Variants in ITGB3BP observed in about 807,000 individuals in gnomAD.
The protein encoded by ITGB3BP is integrin subunit beta 3 binding protein.
In ITGB3BP, 27 loss-of-function variants were observed where a neutral mutation model predicts 29.1. The observed-to-expected ratio is 0.93, with a 90% CI of 0.68 to 1.28. The LOEUF is 1.28. ITGB3BP is among the 50% of genes most tolerant of loss of function. ITGB3BP has a pLI of 0.00. For synonymous variants in ITGB3BP, 61 were observed against 61.4 expected, an observed-to-expected ratio of 0.99 and a Z score of 0.03; for missense variants, 192 against 200.2, an observed-to-expected ratio of 0.96 and a Z score of 0.25.
Position 63,472,617 on chromosome 1 carries a change from C to T in ITGB3BP, c.254+6147G>A, listed in dbSNP as rs1248344569. ...TGCCGAGTGCCTGCGATTGCAGGCGCGCGCCGCCACGCCTGATTGGTTTTC... is the reference window on the plus strand; with the variant it reads ...TGCCGAGTGCCTGCGATTGCAGGCGTGCGCCGCCACGCCTGATTGGTTTTC... On this transcript the variant is annotated intron_variant, in intron 4 of 8. Transcript: ENST00000271002. Among the ~76,000 whole-genome samples the T allele has an allele frequency of 2.3e-4, 34 of 150,920 alleles. No homozygotes were observed. In the South Asian group the frequency reaches 5.4e-3, roughly 24 times the overall value.
chr1:63,522,973 T>C (rs1424651830), intron 1 of ITGB3BP, 156 bp downstream of exon 1: 3 of 848,738 alleles, frequency 3.5e-6, no homozygotes, highest in East Asian at 2.4e-5. Context: ...AGACGTAGAG[T>C]TGAGGGTACC....
intron 1 of ITGB3BP, among the ~76,000 whole-genome samples, chr1:63,516,342 C>T (rs12130694): frequency 0.58 from 29,643 of 51,420 alleles, 6,548 homozygotes; most frequent in Non-Finnish European, 0.64. Flanking sequence ...GGAAGGGAAG[C>T]GGAGCGGGGG....
intron 4 of ITGB3BP, among the ~76,000 whole-genome samples, chr1:63,467,522 CTGATTGAT>C (rs55927407): frequency 9.4e-5 from 14 of 149,636 alleles, no homozygotes; most frequent in Non-Finnish European, 1.6e-4. Context: ...TGCTTGCTTG[CTGATTGAT>C]TGATTGATTG....
At chr1:63,487,865 C>T (rs946343272) in intron 3 of ITGB3BP, among the ~76,000 whole-genome samples, 5 of 152,048 alleles carry the variant, frequency 3.3e-5, no homozygotes, top group Admixed American at 2.6e-4. Flanking sequence ...ATGTGAGTAA[C>T]GTGTTGTGCT....
chr1:63,497,072 T>C lies in ITGB3BP; in HGVS notation c.49-6854A>G, dbSNP rs190076148. Among the ~76,000 whole-genome samples, 244 of 152,268 alleles carry C rather than the reference T, an allele frequency of 1.6e-3. 1 individual carries two copies. Among genetic ancestry groups the C allele is most frequent in the Non-Finnish European group, 2.6e-3 (179 of 68,012 alleles). ...GTCTGAAAGTATGAGCTGGTAAGCATAGGTTTTTTAAATGAAATGCCTGTA... is the reference window on the plus strand; with the variant it reads ...GTCTGAAAGTATGAGCTGGTAAGCACAGGTTTTTTAAATGAAATGCCTGTA... On this transcript the variant is annotated intron_variant, in intron 2 of 8. Coordinates refer to ENST00000271002, the MANE Select transcript of ITGB3BP (RefSeq NM_014288.5).
intron 2 of ITGB3BP, among the ~76,000 whole-genome samples, chr1:63,508,297 A>C (rs983938251): frequency 2.0e-5 from 3 of 152,126 alleles, no homozygotes; most frequent in Non-Finnish European, 4.4e-5. Context: ...TTTTTAAATA[A>C]TTAATTTGCT....
At chr1:63,512,044 G>A (rs7418918) in intron 1 of ITGB3BP, among the ~76,000 whole-genome samples, 143,877 of 151,930 alleles carry the variant, frequency 0.95, 68,628 homozygotes, top group East Asian at 1. Flanking sequence ...CTCTCTGTGG[G>A]TAACTTCTAA....
intron 4 of ITGB3BP, among the ~76,000 whole-genome samples, chr1:63,455,170 T>C (rs1644915366): frequency 6.6e-6 from 1 of 152,180 alleles, no homozygotes; most frequent in African/African-American, 2.4e-5. Flanking sequence ...AAGACATAGT[T>C]GGCTGTTCCT....
At chr1:63,523,334 C>G (rs1355686655), upstream of ITGB3BP, 5 of 674,456 alleles carry the variant, frequency 7.4e-6, no homozygotes, top group Non-Finnish European at 1.3e-5. Context: ...GCGGGGAGTT[C>G]TAGGCCCAGG....
chr1:63,484,537 T>C (rs1645493820), intron 3 of ITGB3BP, among the ~76,000 whole-genome samples: 1 of 152,140 alleles, frequency 6.6e-6, no homozygotes, highest in Non-Finnish European at 1.5e-5. Flanking sequence ...TTTCCAAACA[T>C]ACAGGTTAAA....
rs557697647 is a variant in ITGB3BP, at chr1:63,506,114, T to C, written c.48+2414A>G. ...GATCTGTCTAATGTTGACAGTGGGT[T>C]GTTAAAGTCTCCCATTTTTATTGTG... On this transcript the variant is annotated intron_variant, in intron 2 of 8. Coordinates refer to ENST00000271002, the MANE Select transcript of ITGB3BP (RefSeq NM_014288.5). Among the ~76,000 whole-genome samples, 514 of 152,316 alleles carry C rather than the reference T, an allele frequency of 3.4e-3. 3 individuals are homozygous for C. Among genetic ancestry groups the C allele is most frequent in the Non-Finnish European group, 4.8e-3 (329 of 68,030 alleles).
chr1:63,509,101 CTA>C (rs1174540414), intron 1 of ITGB3BP, among the ~76,000 whole-genome samples: 2 of 152,260 alleles, frequency 1.3e-5, no homozygotes, highest in East Asian at 3.9e-4. Flanking sequence ...AACAGATGCT[CTA>C]TGTCTTTATA....
intron 1 of ITGB3BP, 55 bp downstream of exon 1, chr1:63,523,074 T>A: frequency 6.2e-7 from 1 of 1,606,394 alleles, no homozygotes; most frequent in Non-Finnish European, 8.5e-7. Flanking sequence ...ACATAATATC[T>A]TCTCTTCTTG....
chr1:63,460,750 GGTT>G (rs1645003340), intron 4 of ITGB3BP, among the ~76,000 whole-genome samples: 2 of 151,856 alleles, frequency 1.3e-5, no homozygotes, highest in Non-Finnish European at 2.9e-5. Flanking sequence ...AATGTACAAG[GGTT>G]TTAATTTCTC....
intron 2 of ITGB3BP, among the ~76,000 whole-genome samples, chr1:63,501,308 CAAAG>C (rs759483637): frequency 2.6e-5 from 4 of 151,888 alleles, no homozygotes; most frequent in Admixed American, 6.6e-5. Flanking sequence ...AAAGGACAAT[CAAAG>C]AAAGAAACAG....
Position 63,485,763 on chromosome 1 carries a change from C to G in ITGB3BP, c.184+4320G>C, listed in dbSNP as rs555883033. ...TGATTCTTAATTGATACTATTATTG[C>G]ATTTTCTGCTGGAGTCTACTGATAT... On this transcript the variant is annotated intron_variant, in intron 3 of 8. Transcript: ENST00000271002. Among the ~76,000 whole-genome samples, 6 of 152,128 alleles carry G rather than the reference C, an allele frequency of 3.9e-5. No individual in the cohort carries two copies. The South Asian group carries it at 1.2e-3, about 32-fold the overall frequency.
At chr1:63,515,104 T>C (rs944727940) in intron 1 of ITGB3BP, among the ~76,000 whole-genome samples, 64 of 152,222 alleles carry the variant, frequency 4.2e-4, no homozygotes, top group African/African-American at 1.4e-3. Context: ...TACTTCAGAC[T>C]GTAAAAATAT....
intron 1 of ITGB3BP, among the ~76,000 whole-genome samples, chr1:63,514,033 C>T (rs549475163): frequency 5.3e-5 from 8 of 152,132 alleles, no homozygotes; most frequent in Non-Finnish European, 8.8e-5. Flanking sequence ...ACCTCAGGCT[C>T]CCTCCAAGTC....
At chr1:63,479,417 A>G (rs553451499) in intron 3 of ITGB3BP, among the ~76,000 whole-genome samples, 1 of 152,298 alleles carries the variant, frequency 6.6e-6, no homozygotes, top group African/African-American at 2.4e-5. Context: ...ACTAGTTAAC[A>G]TATCTATTAC....
Sources: gnomAD v4.1 joint callset for allele counts (sites outside exome capture counted in the v4.1 genomes callset) on GRCh38, gnomAD v4.1.1 for gene constraint, MANE v1.5 for transcripts, NCBI Gene and HGNC (gene_info 2026-07-23, HGNC 2026-07-21) for gene names.